EPHA7: variants seen among roughly 807,000 people sequenced by gnomAD.
EPHA7 encodes ephrin type-A receptor 7.
Under a neutral mutation model 112.6 loss-of-function variants are expected in EPHA7, and 25 were observed. That is an observed-to-expected ratio of 0.22 (90% confidence interval 0.16 to 0.31). The LOEUF (loss-of-function observed/expected upper bound fraction) is 0.31. EPHA7 is among the 10% of genes least tolerant of loss of function. The pLI is 1.00. For synonymous variants in EPHA7, 437 were observed against 406.5 expected (o/e 1.07, Z -0.90); for missense variants, 962 against 1,212.6 (o/e 0.79, Z 3.07).
chr6:93,350,195 C>G (rs562586660), intron 5 of EPHA7, among the ~76,000 whole-genome samples: 1 of 152,048 alleles, frequency 6.6e-6, no homozygotes, highest in South Asian at 2.1e-4. Flanking sequence ...TTTAGCAATG[C>G]TATCCCACAA....
At chr6:93,323,141 A>T (rs1774159896) in intron 5 of EPHA7, among the ~76,000 whole-genome samples, 1 of 151,644 alleles carries the variant, frequency 6.6e-6, no homozygotes, top group African/African-American at 2.4e-5. Flanking sequence ...AAGCATTTTA[A>T]CAAAATAATT....
intron 5 of EPHA7, among the ~76,000 whole-genome samples, chr6:93,334,920 T>C (rs143853891): frequency 1.3e-5 from 2 of 152,190 alleles, no homozygotes; most frequent in East Asian, 3.9e-4. Context: ...TTTATTAGAA[T>C]TGATTTTTTT....
chr6:93,269,858 T>A (rs1340983253), intron 6 of EPHA7, among the ~76,000 whole-genome samples, 198 bp from the exon 7 acceptor site: 1 of 151,740 alleles, frequency 6.6e-6, no homozygotes, highest in African/African-American at 2.4e-5. Context: ...TTATATATAT[T>A]TAGGGCGAAA....
intron 5 of EPHA7, among the ~76,000 whole-genome samples, chr6:93,295,693 C>G (rs1440782892): frequency 1.2e-4 from 18 of 151,414 alleles, no homozygotes; most frequent in Admixed American, 1.2e-3. Context: ...ATTTATTTTC[C>G]CTACATAATT....
intron 5 of EPHA7, among the ~76,000 whole-genome samples, chr6:93,343,113 C>G (rs1775222857): frequency 6.6e-6 from 1 of 151,688 alleles, no homozygotes; most frequent in African/African-American, 2.4e-5. Flanking sequence ...AGTCATTTGA[C>G]TTTTCCAAAA....
intron 5 of EPHA7, among the ~76,000 whole-genome samples, chr6:93,282,585 G>T (rs1020663565): frequency 6.6e-6 from 1 of 152,200 alleles, no homozygotes; most frequent in Non-Finnish European, 1.5e-5. Flanking sequence ...TGCACTGTGG[G>T]AGCCCCTTTT....
intron 5 of EPHA7, among the ~76,000 whole-genome samples, chr6:93,345,473 A>G (rs1166058756): frequency 1.3e-5 from 2 of 151,698 alleles, no homozygotes; most frequent in Non-Finnish European, 3.0e-5. Flanking sequence ...TTTGCCACAG[A>G]ACATACATCA....
At chr6:93,399,356 C>G (rs1778329169) in intron 3 of EPHA7, among the ~76,000 whole-genome samples, 2 of 152,004 alleles carry the variant, frequency 1.3e-5, no homozygotes, top group Admixed American at 1.3e-4. Context: ...ATAAAGAAAA[C>G]CTAAATATCT....
At chr6:93,367,625 A>G (rs1004663377) in intron 3 of EPHA7, among the ~76,000 whole-genome samples, 2 of 152,144 alleles carry the variant, frequency 1.3e-5, no homozygotes, top group Admixed American at 1.3e-4. Context: ...GAACACACAC[A>G]CACACAAATT....
intron 10 of EPHA7, 32 bp from the exon 11 acceptor site, chr6:93,258,316 G>T: frequency 4.0e-6 from 6 of 1,496,304 alleles, no homozygotes; most frequent in South Asian, 2.8e-5. Flanking sequence ...GCATATTTTA[G>T]TTTCTAAATA....
chr6:93,357,650 A>C (rs1315729357), intron 4 of EPHA7, among the ~76,000 whole-genome samples: 1 of 135,258 alleles, frequency 7.4e-6, no homozygotes, highest in African/African-American at 3.1e-5. Flanking sequence ...GCAAGACCCT[A>C]ATAACTTTTT....
chr6:93,278,785 T>C (rs1181073661), intron 5 of EPHA7, among the ~76,000 whole-genome samples: 1 of 151,910 alleles, frequency 6.6e-6, no homozygotes, highest in Non-Finnish European at 1.5e-5. Flanking sequence ...CTCAGAGTCA[T>C]ATTTTTTATT....
intron 5 of EPHA7, among the ~76,000 whole-genome samples, chr6:93,303,559 T>G (rs1306636614): frequency 6.6e-6 from 1 of 152,150 alleles, no homozygotes; most frequent in African/African-American, 2.4e-5. Context: ...CATATTACCT[T>G]AAGGAGTACA....
At chr6:93,382,052 C>G (rs570876322) in intron 3 of EPHA7, among the ~76,000 whole-genome samples, 3 of 152,170 alleles carry the variant, frequency 2.0e-5, no homozygotes, top group African/African-American at 7.2e-5. Flanking sequence ...ACACATTATA[C>G]CAATCCAATA....
chr6:93,257,554 C>T (rs759350674), intron 11 of EPHA7, 31 bp from the exon 12 acceptor site: 47 of 1,476,796 alleles, frequency 3.2e-5, no homozygotes, highest in East Asian at 1.4e-4. Flanking sequence ...TTTCAGGAGT[C>T]GTAACCTGAG....
At position 93,290,262 on chromosome 6, in the gene EPHA7, G is replaced by C. The variant is rs551452036; in HGVS notation, c.1325-17840C>G. Among the ~76,000 whole-genome samples the C allele has an allele frequency of 2.6e-5, 4 of 152,044 alleles. No individual in the cohort carries two copies. The South Asian group carries it at 8.3e-4, about 32-fold the overall frequency. On this transcript the variant is annotated intron_variant, in intron 5 of 16. Coordinates refer to ENST00000369303, the MANE Select transcript of EPHA7 (RefSeq NM_004440.4). ...ACATATTTTGGTAATTCTCTGACTA[G>C]TGAATTCCATAATATGATAACTACA...
intron 5 of EPHA7, among the ~76,000 whole-genome samples, chr6:93,307,412 C>T (rs565713266): frequency 6.6e-6 from 1 of 152,180 alleles, no homozygotes; most frequent in South Asian, 2.1e-4. Context: ...TGATTTCTAG[C>T]TTACTCTGGG....
At chr6:93,371,228 A>G (rs1776780506) in intron 3 of EPHA7, among the ~76,000 whole-genome samples, 1 of 150,002 alleles carries the variant, frequency 6.7e-6, no homozygotes, top group Non-Finnish European at 1.5e-5. Context: ...GCATCCATGG[A>G]TTAACCCAAC....
intron 3 of EPHA7, among the ~76,000 whole-genome samples, chr6:93,397,006 T>C (rs1778208954): frequency 6.6e-6 from 1 of 151,774 alleles, no homozygotes; most frequent in African/African-American, 2.4e-5. Context: ...TTTTTAGTGT[T>C]ACTGTTTTCA....
Sources: gnomAD v4.1 joint callset for allele counts (sites outside exome capture counted in the v4.1 genomes callset) on GRCh38, gnomAD v4.1.1 for gene constraint, MANE v1.5 for transcripts, NCBI Gene and HGNC (gene_info 2026-07-23, HGNC 2026-07-21) for gene names.